The following TENM3 variants were observed in gnomAD, a reference collection of about 807,000 sequenced individuals.
TENM3 encodes the protein teneurin transmembrane protein 3.
A neutral mutation model predicts 255.1 loss-of-function variants in TENM3; 63 were observed. That is an observed-to-expected ratio of 0.25 (90% CI 0.20 to 0.30). The LOEUF is 0.30. Ranked by LOEUF, TENM3 falls within the 10% of genes least tolerant of loss-of-function variation. TENM3 has a pLI of 1.00. For synonymous variants in TENM3, 1,306 were observed against 1,322.3 expected (o/e 0.99, Z 0.27); for missense variants, 2,929 against 3,461.1 (o/e 0.85, Z 3.86).
the TENM3 span, among the ~76,000 whole-genome samples, chr4:181,536,938 C>A: frequency 6.6e-6 from 1 of 152,226 alleles, no homozygotes. Context: ...ATACAGATTG[C>A]CTCATAAAAC....
chr4:181,659,900 A>T, the TENM3 span, among the ~76,000 whole-genome samples: 4 of 152,160 alleles, frequency 2.6e-5, no homozygotes, highest in East Asian at 7.7e-4. Context: ...ACGCTTTGAA[A>T]AATTGAGGCT....
the TENM3 span, among the ~76,000 whole-genome samples, chr4:181,844,027 C>CTT: frequency 6.6e-6 from 1 of 151,998 alleles, no homozygotes; most frequent in Non-Finnish European, 1.5e-5. Context: ...CGAGGGCCTT[C>CTT]TTACTGTGCT....
rs116044260 is a variant in TENM3 at position 182,632,991 on chromosome 4, G to A, written c.988+4102G>A. Among the ~76,000 whole-genome samples, 1,001 of 152,048 alleles carry A rather than the reference G, an allele frequency of 6.6e-3. 17 individuals are homozygous for A. Among genetic ancestry groups the A allele is most frequent in the African/African-American group, 0.023 (962 of 41,468 alleles). ...GTCTCACAGGCTGGAGTGCAACGAC[G>A]CAGTCACAGCTCACTGCAGCCTCTG... is the stretch of plus-strand genomic sequence containing the variant. On this transcript the variant is annotated intron_variant, in intron 5 of 27. Transcript: ENST00000511685.
intron 3 of TENM3, among the ~76,000 whole-genome samples, chr4:182,469,493 T>A (rs1732911905): frequency 6.6e-6 from 1 of 152,100 alleles, no homozygotes. Context: ...GGCAGGCATA[T>A]CACTTGAGGT....
chr4:181,580,500 A>C, the TENM3 span, among the ~76,000 whole-genome samples: 1 of 152,192 alleles, frequency 6.6e-6, no homozygotes, highest in Non-Finnish European at 1.5e-5. Flanking sequence ...GCTGTAAATA[A>C]TAAGTGATGT....
chr4:181,843,672 G>T, the TENM3 span, among the ~76,000 whole-genome samples: 3 of 151,374 alleles, frequency 2.0e-5, no homozygotes, highest in African/African-American at 7.3e-5. Context: ...TATTCTGGAG[G>T]CTTGGAAATT....
At chr4:182,733,105 A>G (rs1034549571) in intron 16 of TENM3, among the ~76,000 whole-genome samples, 4 of 152,220 alleles carry the variant, frequency 2.6e-5, no homozygotes, top group Middle Eastern at 3.2e-3. Context: ...ATAATAAAGC[A>G]GGGGACAGTG....
chr4:181,550,669 A>G, the TENM3 span, among the ~76,000 whole-genome samples: 27,702 of 152,168 alleles, frequency 0.18, 3,207 homozygotes, highest in African/African-American at 0.32. Flanking sequence ...GAGAATGGAT[A>G]TTGAAAGATA....
the TENM3 span, among the ~76,000 whole-genome samples, chr4:181,452,836 G>T: frequency 6.6e-6 from 1 of 152,202 alleles, no homozygotes; most frequent in Admixed American, 6.5e-5. Context: ...AATGCCAAAA[G>T]ACTTCATTGG....
chr4:181,920,036 C>A, the TENM3 span, among the ~76,000 whole-genome samples: 7 of 151,674 alleles, frequency 4.6e-5, no homozygotes, highest in Middle Eastern at 3.4e-3. Context: ...TTCCAATTTC[C>A]TCCATGTCCC....
At chr4:181,617,907 C>T in the TENM3 span, among the ~76,000 whole-genome samples, 1 of 152,100 alleles carries the variant, frequency 6.6e-6, no homozygotes, top group African/African-American at 2.4e-5. Flanking sequence ...AGCAGAGAAA[C>T]AAGGATTGCA....
intron 1 of TENM3, among the ~76,000 whole-genome samples, chr4:182,196,590 GTC>G (rs1308528555): frequency 6.6e-6 from 1 of 152,150 alleles, no homozygotes; most frequent in African/African-American, 2.4e-5. Context: ...TGGCTGGAAA[GTC>G]TCATTTGAGC....
At chr4:182,327,113 C>T (rs752003991) in intron 2 of TENM3, among the ~76,000 whole-genome samples, 22 of 152,122 alleles carry the variant, frequency 1.4e-4, no homozygotes, top group Non-Finnish European at 2.5e-4. Flanking sequence ...GAAATCCTTC[C>T]AGGCTTTCAT....
intron 3 of TENM3, among the ~76,000 whole-genome samples, chr4:182,377,312 T>C (rs768740798): frequency 1.3e-5 from 2 of 151,956 alleles, no homozygotes; most frequent in Non-Finnish European, 2.9e-5. Flanking sequence ...TATTTATTTA[T>C]TCATTTATTT....
chr4:181,957,486 A>C, the TENM3 span, among the ~76,000 whole-genome samples: 1 of 152,128 alleles, frequency 6.6e-6, no homozygotes, highest in Non-Finnish European at 1.5e-5. Context: ...ATAAACCAAA[A>C]CCCAATTTTT....
intron 3 of TENM3, among the ~76,000 whole-genome samples, chr4:182,558,386 G>A (rs1200469367): frequency 6.6e-5 from 10 of 152,128 alleles, no homozygotes; most frequent in Admixed American, 6.6e-4. Context: ...TACATGGCAT[G>A]GTAGGAGCAT....
intron 3 of TENM3, among the ~76,000 whole-genome samples, chr4:182,558,617 A>G (rs745690466): frequency 6.6e-6 from 1 of 152,186 alleles, no homozygotes; most frequent in Non-Finnish European, 1.5e-5. Context: ...AGTGAAGACA[A>G]TTGGTATTAA....
chr4:181,791,836 C>A, the TENM3 span, among the ~76,000 whole-genome samples: 1 of 152,134 alleles, frequency 6.6e-6, no homozygotes, highest in Non-Finnish European at 1.5e-5. Context: ...TTGACTAGTA[C>A]CAAAACATAA....
the TENM3 span, among the ~76,000 whole-genome samples, chr4:181,758,983 ATTGT>A: frequency 3.9e-5 from 6 of 152,322 alleles, no homozygotes; most frequent in Admixed American, 1.3e-4. Context: ...TTTTACAAAA[ATTGT>A]TTAAGTGTTT....
Sources: gnomAD v4.1 joint callset for allele counts (sites outside exome capture counted in the v4.1 genomes callset) on GRCh38, gnomAD v4.1.1 for gene constraint, MANE v1.5 for transcripts, NCBI Gene and HGNC (gene_info 2026-07-23, HGNC 2026-07-21) for gene names.